The following SFMBT2 variants were observed in gnomAD, a reference collection of about 807,000 sequenced individuals.
The protein encoded by SFMBT2 is Scm like with four mbt domains 2, also known as scm-like with four MBT domains protein 2.
Under a neutral mutation model 110.1 loss-of-function variants are expected in SFMBT2, and 38 were observed. The observed-to-expected ratio is 0.35, with a 90% confidence interval of 0.27 to 0.45. The LOEUF (loss-of-function observed/expected upper bound fraction) is 0.45, where lower values mean the gene tolerates loss of function less well. Among genes scored for constraint, SFMBT2 ranks in the 20% least tolerant of loss-of-function variants. SFMBT2 has a pLI of 1.00. For synonymous variants in SFMBT2, 425 were observed against 425.4 expected, an observed-to-expected ratio of 1.00 and a Z score of 0.01; for missense variants, 1,011 against 1,094.9, an observed-to-expected ratio of 0.92 and a Z score of 1.08.
intron 7 of SFMBT2, among the ~76,000 whole-genome samples, chr10:7,268,276 C>T (rs911402045): frequency 1.3e-5 from 2 of 152,182 alleles, no homozygotes; most frequent in Non-Finnish European, 2.9e-5. Context: ...GCAACAAAGA[C>T]ATTATTGACC....
intron 4 of SFMBT2, among the ~76,000 whole-genome samples, chr10:7,294,897 A>G (rs1842359835): frequency 6.6e-6 from 1 of 152,154 alleles, no homozygotes; most frequent in Admixed American, 6.5e-5. Flanking sequence ...TCATTACACT[A>G]TGACAATTCA....
intron 7 of SFMBT2, chr10:7,249,596 C>T (rs1261204487): frequency 1.0e-6 from 1 of 972,924 alleles, no homozygotes; most frequent in African/African-American, 1.8e-5. Context: ...CTTTCTTTTA[C>T]CTGCAAATCT....
chr10:7,205,788 AC>A (rs763776586), intron 12 of SFMBT2, 26 bp downstream of exon 12: 12 of 1,606,546 alleles, frequency 7.5e-6, no homozygotes, highest in South Asian at 2.2e-5. Context: ...GGTGTCATCC[AC>A]CCCCCCTCAA....
chr10:7,315,623 G>A (rs910826597), intron 4 of SFMBT2, among the ~76,000 whole-genome samples: 1 of 152,144 alleles, frequency 6.6e-6, no homozygotes, highest in African/African-American at 2.4e-5. Context: ...CATCACAGGA[G>A]CCAACTCCTT....
rs1839236641 is a variant in SFMBT2 at position 7,208,768 on chromosome 10, C to T, written c.1331-2840G>A. Among the ~76,000 whole-genome samples the T allele has an allele frequency of 2.0e-5, 3 of 151,998 alleles. No homozygotes were observed. In the South Asian group the frequency reaches 6.2e-4, roughly 31 times the overall value. ...ACAACTTTCATCTTCCAATGTTCTG[C>T]TAATTCAAACATCACATCGTATTAT... On this transcript the variant is annotated intron_variant, in intron 11 of 20. Coordinates refer to ENST00000397167, the MANE Select transcript of SFMBT2 (RefSeq NM_001387889.1).
chr10:7,184,328 A>G (rs1472402826), intron 16 of SFMBT2, among the ~76,000 whole-genome samples: 13 of 152,124 alleles, frequency 8.5e-5, no homozygotes, highest in Non-Finnish European at 1.5e-4. Flanking sequence ...GTGGTAGTGA[A>G]TAAGTCTCAC....
At chr10:7,232,355 A>T (rs897972541) in intron 9 of SFMBT2, among the ~76,000 whole-genome samples, 7 of 152,222 alleles carry the variant, frequency 4.6e-5, no homozygotes, top group African/African-American at 1.7e-4. Context: ...CTGGGAACTT[A>T]TCCCATAAAA....
At chr10:7,302,774 G>A (rs1482413066) in intron 4 of SFMBT2, among the ~76,000 whole-genome samples, 1 of 152,090 alleles carries the variant, frequency 6.6e-6, no homozygotes, top group Non-Finnish European at 1.5e-5. Flanking sequence ...GAGTCCCCGC[G>A]CCTAAAATAC....
chr10:7,390,269 T>A (rs1351182048), intron 1 of SFMBT2, among the ~76,000 whole-genome samples: 2 of 152,206 alleles, frequency 1.3e-5, no homozygotes, highest in Non-Finnish European at 2.9e-5. Flanking sequence ...ATTTGAGGGC[T>A]TGGAACATGT....
intron 4 of SFMBT2, among the ~76,000 whole-genome samples, chr10:7,310,737 G>C (rs1349638003): frequency 3.3e-5 from 5 of 152,116 alleles, no homozygotes; most frequent in African/African-American, 7.2e-5. Context: ...TGAAAAAAAG[G>C]CTTCGTGTGC....
At chr10:7,169,319 T>A (rs1029532915) in intron 20 of SFMBT2, among the ~76,000 whole-genome samples, 3 of 152,200 alleles carry the variant, frequency 2.0e-5, no homozygotes, top group African/African-American at 7.2e-5. Context: ...TTCTAGTGGT[T>A]GTCAATAGGA....
chr10:7,318,601 G>C (rs1394745113), intron 4 of SFMBT2, among the ~76,000 whole-genome samples: 1 of 152,146 alleles, frequency 6.6e-6, no homozygotes, highest in East Asian at 1.9e-4. Context: ...AATATGCCTT[G>C]AGCCACAATA....
At chr10:7,385,477 G>C (rs2255160) in intron 1 of SFMBT2, among the ~76,000 whole-genome samples, 2 of 152,162 alleles carry the variant, frequency 1.3e-5, no homozygotes, top group African/African-American at 4.8e-5. Context: ...ACTGAAACAC[G>C]TGGAGCAAAC....
intron 10 of SFMBT2, among the ~76,000 whole-genome samples, chr10:7,223,770 C>G (rs992206060): frequency 2.6e-5 from 4 of 152,170 alleles, no homozygotes; most frequent in Non-Finnish European, 4.4e-5. Context: ...GGATCAGAAT[C>G]CCCTTGAAAA....
At chr10:7,363,354 CT>C (rs869081978) in intron 4 of SFMBT2, among the ~76,000 whole-genome samples, 350 of 144,834 alleles carry the variant, frequency 2.4e-3, no homozygotes, top group Middle Eastern at 7.1e-3. Flanking sequence ...TAAACCTCCT[CT>C]TTTTTTTTTT....
chr10:7,307,330 T>C (rs1842725143), intron 4 of SFMBT2, among the ~76,000 whole-genome samples: 1 of 152,164 alleles, frequency 6.6e-6, no homozygotes, highest in Non-Finnish European at 1.5e-5. Flanking sequence ...TTTGTAGAAC[T>C]AGATAACCCA....
intron 4 of SFMBT2, among the ~76,000 whole-genome samples, chr10:7,360,684 G>A (rs946173509): frequency 6.6e-5 from 10 of 152,068 alleles, no homozygotes; most frequent in African/African-American, 2.4e-4. Flanking sequence ...ATTAAATACT[G>A]TTTACACCAA....
intron 1 of SFMBT2, among the ~76,000 whole-genome samples, chr10:7,387,602 C>A (rs1182634897): frequency 6.6e-6 from 1 of 151,726 alleles, no homozygotes; most frequent in Non-Finnish European, 1.5e-5. Context: ...AGGAGAGGCT[C>A]AAGAGGAAAT....
intron 4 of SFMBT2, among the ~76,000 whole-genome samples, chr10:7,365,913 T>C (rs192010958): frequency 3.9e-5 from 6 of 152,318 alleles, no homozygotes; most frequent in Admixed American, 3.3e-4. Flanking sequence ...CTTGTGAATA[T>C]ACTAAAAAAT....
Sources: allele counts gnomAD v4.1 joint callset (sites outside exome capture counted in the v4.1 genomes callset), GRCh38; gene constraint gnomAD v4.1.1; transcripts MANE v1.5; gene names NCBI Gene and HGNC (gene_info 2026-07-23, HGNC 2026-07-21).